Variants in RYR2 observed in about 807,000 individuals in gnomAD.
RYR2 encodes the protein cardiac muscle ryanodine receptor-calcium release channel.
RYR2 carries 227 observed loss-of-function variants against 601.1 expected under a neutral mutation model. The observed-to-expected ratio is 0.38, with a 90% confidence interval of 0.34 to 0.42. The LOEUF (loss-of-function observed/expected upper bound fraction) is 0.42, where lower values mean the gene tolerates loss of function less well. RYR2 is among the 10% of genes least tolerant of loss of function. The probability of loss-of-function intolerance (pLI) is 1.00; values close to 1 mark genes in which losing one functional copy is unlikely to be tolerated. For synonymous variants in RYR2, 2,223 were observed against 2,175.1 expected, an observed-to-expected ratio of 1.02 and a Z score of -0.61; for missense variants, 4,646 against 6,156.5, an observed-to-expected ratio of 0.75 and a Z score of 8.21.
intron 1 of RYR2, among the ~76,000 whole-genome samples, chr1:237,133,975 T>A (rs1406468013): frequency 2.0e-5 from 3 of 148,422 alleles, no homozygotes; most frequent in East Asian, 2.0e-4. Flanking sequence ...AGGAAAGGTA[T>A]GAAAACTTGC....
At chr1:237,533,211 C>T (rs897604144) in intron 25 of RYR2, among the ~76,000 whole-genome samples, 1 of 152,252 alleles carries the variant, frequency 6.6e-6, no homozygotes, top group African/African-American at 2.4e-5. Flanking sequence ...TATATACTGT[C>T]TCTAAATTTT....
At chr1:237,341,662 C>G (rs1481718132) in intron 3 of RYR2, 1 of 516,254 alleles carries the variant, frequency 1.9e-6, no homozygotes, top group Admixed American at 2.0e-5. Flanking sequence ...GAAATATTTG[C>G]TGACTGGAGG....
At chr1:237,755,938 G>A (rs1351007911) in intron 80 of RYR2, among the ~76,000 whole-genome samples, 3 of 152,076 alleles carry the variant, frequency 2.0e-5, no homozygotes, top group African/African-American at 7.2e-5. Flanking sequence ...TTCAAAACGT[G>A]ACAAACTTAT....
chr1:237,342,393 A>T (rs1335916828), intron 3 of RYR2, among the ~76,000 whole-genome samples: 1 of 149,072 alleles, frequency 6.7e-6, no homozygotes, highest in Non-Finnish European at 1.5e-5. Context: ...ACCTTAAGTG[A>T]TCCTCCCACC....
At chr1:237,609,430 C>A (rs1484956771) in intron 35 of RYR2, among the ~76,000 whole-genome samples, 1 of 145,234 alleles carries the variant, frequency 6.9e-6, no homozygotes, top group Non-Finnish European at 1.5e-5. Flanking sequence ...AGTGCAGTGA[C>A]ACGATCTCAG....
intron 27 of RYR2, among the ~76,000 whole-genome samples, chr1:237,561,022 GA>G (rs1671395492): frequency 6.6e-6 from 1 of 152,150 alleles, no homozygotes; most frequent in African/African-American, 2.4e-5. Flanking sequence ...GCAAGTAGGG[GA>G]AAAGCTAATA....
chr1:237,427,286 AG>A (rs1434344070), intron 12 of RYR2, among the ~76,000 whole-genome samples: 1 of 152,228 alleles, frequency 6.6e-6, no homozygotes, highest in African/African-American at 2.4e-5. Flanking sequence ...GTATGAAAAC[AG>A]AAAACCTAAA....
chr1:237,509,492 G>T (rs527718426), intron 23 of RYR2, among the ~76,000 whole-genome samples: 3 of 152,080 alleles, frequency 2.0e-5, no homozygotes, highest in South Asian at 4.1e-4. Flanking sequence ...GGAAGTTATC[G>T]TTACTTTGGG....
At chr1:237,595,057 T>C (rs1261740950) in intron 33 of RYR2, among the ~76,000 whole-genome samples, 2 of 151,672 alleles carry the variant, frequency 1.3e-5, no homozygotes, top group Non-Finnish European at 2.9e-5. Context: ...AGGACTTTGA[T>C]AGTGTCTGGA....
chr1:237,450,179 G>A (rs138396989), intron 14 of RYR2, among the ~76,000 whole-genome samples: 1 of 152,218 alleles, frequency 6.6e-6, no homozygotes, highest in East Asian at 1.9e-4. Flanking sequence ...TCCCTGCCTT[G>A]AGTAGTTTTC....
At chr1:237,692,687 C>T (rs1384863636) in intron 63 of RYR2, among the ~76,000 whole-genome samples, 1 of 152,172 alleles carries the variant, frequency 6.6e-6, no homozygotes, top group Non-Finnish European at 1.5e-5. Flanking sequence ...GACCCTCACA[C>T]ATAATTACTC....
intron 1 of RYR2, among the ~76,000 whole-genome samples, chr1:237,146,519 C>G (rs1674017096): frequency 1.3e-5 from 2 of 152,168 alleles, no homozygotes. Context: ...AAACAATTCC[C>G]ACTGCTTTGC....
At chr1:237,273,982 T>C (rs1276091892) in intron 2 of RYR2, among the ~76,000 whole-genome samples, 1 of 146,750 alleles carries the variant, frequency 6.8e-6, no homozygotes, top group East Asian at 1.9e-4. Flanking sequence ...ATTTATATTA[T>C]AAATTAATGT....
intron 100 of RYR2, among the ~76,000 whole-genome samples, 182 bp from the exon 101 acceptor site, chr1:237,818,853 CA>C (rs1662122796): frequency 6.6e-6 from 1 of 151,692 alleles, no homozygotes; most frequent in Non-Finnish European, 1.5e-5. Context: ...TAAAAGACAG[CA>C]ACATGCAAAA....
intron 1 of RYR2, among the ~76,000 whole-genome samples, chr1:237,129,600 GTC>G (rs1411155554): frequency 1.3e-5 from 2 of 151,618 alleles, no homozygotes; most frequent in Non-Finnish European, 2.9e-5. Flanking sequence ...CCACCTAAGT[GTC>G]TATAATGGGT....
At chr1:237,460,789 C>T (rs1659387713) in intron 16 of RYR2, among the ~76,000 whole-genome samples, 2 of 152,106 alleles carry the variant, frequency 1.3e-5, no homozygotes. Context: ...ATAAATATTA[C>T]CTGTAAAATG....
rs553026786 is a variant in RYR2, at chr1:237,312,545, T to C, written c.169-18333T>C. On this transcript the variant is annotated intron_variant, in intron 2 of 104. Coordinates refer to ENST00000366574, the MANE Select transcript of RYR2 (RefSeq NM_001035.3). ...TTTTAACAATGAAAAACTACCTGCT[T>C]TCTGGTAACCTTACCTTGGAGAGAA... 5.3e-4 allele frequency among the ~76,000 whole-genome samples: 80 copies of C among 152,334 alleles called. 2 individuals are homozygous for C. In the South Asian group the frequency reaches 0.016, roughly 31 times the overall value.
intron 1 of RYR2, among the ~76,000 whole-genome samples, chr1:237,086,512 G>C (rs962374814): frequency 1.3e-5 from 2 of 152,076 alleles, no homozygotes; most frequent in Admixed American, 6.6e-5. Context: ...ACTTTTCTGT[G>C]TTTCGGGTTC....
intron 17 of RYR2, among the ~76,000 whole-genome samples, chr1:237,485,980 G>A (rs763530783): frequency 3.3e-5 from 5 of 152,164 alleles, no homozygotes; most frequent in African/African-American, 1.2e-4. Flanking sequence ...GAAACTGGAG[G>A]AGAGGATATA....
Sources: allele counts gnomAD v4.1 joint callset (sites outside exome capture counted in the v4.1 genomes callset), GRCh38; gene constraint gnomAD v4.1.1; transcripts MANE v1.5; gene names NCBI Gene and HGNC (gene_info 2026-07-23, HGNC 2026-07-21).